CD99L2: variants seen among roughly 807,000 people sequenced by gnomAD.
CD99L2 encodes the protein CD99 molecule like 2.
A neutral mutation model predicts 27.3 loss-of-function variants in CD99L2; 24 were observed. The observed-to-expected ratio is 0.88, with a 90% CI of 0.64 to 1.24. The LOEUF is 1.24. Among genes scored for constraint, CD99L2 ranks in the 50% most tolerant of loss-of-function variants. The pLI is 0.00. For synonymous variants in CD99L2, 97 were observed against 87.9 expected (o/e 1.10, Z -0.58); for missense variants, 255 against 221.6 (o/e 1.15, Z -0.96).
intron 1 of CD99L2, among the ~76,000 whole-genome samples, chrX:150,858,141 T>G (rs781853172): frequency 1.8e-5 from 2 of 112,430 alleles, no homozygotes; most frequent in East Asian, 5.6e-4. Context: ...AAGGGATTAA[T>G]TCAGCAAGAA....
intron 1 of CD99L2, among the ~76,000 whole-genome samples, chrX:150,869,190 T>G (rs1557422125): frequency 9.0e-6 from 1 of 111,726 alleles, no homozygotes; most frequent in Non-Finnish European, 1.9e-5. Flanking sequence ...CCTGGAAATC[T>G]CACCTTGTAA....
intron 1 of CD99L2, among the ~76,000 whole-genome samples, chrX:150,858,721 T>A (rs1217891537): frequency 8.9e-6 from 1 of 111,879 alleles, no homozygotes; most frequent in Admixed American, 9.5e-5. Context: ...GGGACATTTA[T>A]GGCAATAAAC....
chrX:150,774,527 C>T (rs782650282), intron 9 of CD99L2, among the ~76,000 whole-genome samples: 4 of 111,969 alleles, frequency 3.6e-5, no homozygotes, highest in South Asian at 3.8e-4. Flanking sequence ...ATCCACCTGC[C>T]GGAGGGAGAG....
chrX:150,847,513 C>G (rs1430841552), intron 1 of CD99L2, among the ~76,000 whole-genome samples: 1 of 111,214 alleles, frequency 9.0e-6, no homozygotes, highest in Non-Finnish European at 1.9e-5. Context: ...AGAAAACCCT[C>G]TTTTGACTGT....
At position 150,767,210 on chromosome X, in the gene CD99L2, C is replaced by G. The variant is rs1331682696; in HGVS notation, c.*1824G>C. 1.8e-5 allele frequency: 2 copies of G among 111,924 alleles called. No homozygotes were observed. The highest frequency in any genetic ancestry group is 5.6e-4 in the East Asian group (2 of 3,561). The allele number at this position is 111,924 out of a possible 1,213,427, so 9.2% of individuals were successfully genotyped here. On this transcript the variant is annotated 3_prime_UTR_variant, in exon 11 of 11. Transcript: ENST00000370377. ...CGACATACTTGGTATCAGGGAGGGA[C>G]AAGCCTGACAAAGTTCACAATCTGG...
intron 8 of CD99L2, 175 bp downstream of exon 8, chrX:150,777,269 G>A (rs1162944794): frequency 5.8e-6 from 3 of 519,191 alleles, no homozygotes; most frequent in South Asian, 3.0e-5. Context: ...AAATTGTGAG[G>A]GAGGCGTGCA....
chrX:150,848,218 GAAATA>G (rs782563906), intron 1 of CD99L2, among the ~76,000 whole-genome samples: 2 of 108,943 alleles, frequency 1.8e-5, no homozygotes, highest in African/African-American at 6.7e-5. Context: ...CAGAAAAGAA[GAAATA>G]AAATAACGGC....
At chrX:150,866,046 A>G (rs1426791011) in intron 1 of CD99L2, among the ~76,000 whole-genome samples, 1 of 112,147 alleles carries the variant, frequency 8.9e-6, no homozygotes, top group African/African-American at 3.2e-5. Flanking sequence ...GCTTAAGCCC[A>G]GGGGTGGTGG....
chrX:150,894,880 C>A (rs72612734), intron 1 of CD99L2, among the ~76,000 whole-genome samples: 4,877 of 111,335 alleles, frequency 0.044, 107 homozygotes, highest in East Asian at 0.091. Flanking sequence ...TGAGCCACTG[C>A]GCCCGGCCCC....
At chrX:150,804,144 T>C (rs1038016935) in intron 4 of CD99L2, among the ~76,000 whole-genome samples, 2 of 112,034 alleles carry the variant, frequency 1.8e-5, no homozygotes, top group African/African-American at 6.5e-5. Context: ...TTCTCCAGGA[T>C]AGGTCACATG....
chrX:150,871,726 A>G (rs2047159640), intron 1 of CD99L2, among the ~76,000 whole-genome samples: 2 of 112,232 alleles, frequency 1.8e-5, no homozygotes, highest in Non-Finnish European at 3.8e-5. Context: ...TAAAGTGAAA[A>G]TAACCCAAGT....
At chrX:150,871,600 CT>C (rs1294235629) in intron 1 of CD99L2, among the ~76,000 whole-genome samples, 2 of 112,058 alleles carry the variant, frequency 1.8e-5, no homozygotes, top group East Asian at 5.6e-4. Flanking sequence ...AGTTAAACAT[CT>C]TCACACCCCA....
chrX:150,848,127 A>G (rs1426925988), intron 1 of CD99L2, among the ~76,000 whole-genome samples: 1 of 91,832 alleles, frequency 1.1e-5, no homozygotes, highest in Admixed American at 1.2e-4. Context: ...CCCCCCTTGT[A>G]CTATACCTCT....
At chrX:150,880,881 C>T (rs1386224939) in intron 1 of CD99L2, among the ~76,000 whole-genome samples, 1 of 111,503 alleles carries the variant, frequency 9.0e-6, no homozygotes, top group Non-Finnish European at 1.9e-5. Flanking sequence ...TCCAAGAAAC[C>T]CACCCTCACT....
rs138874048 is a variant in CD99L2 at position 150,818,117 on chromosome X, A to G, written c.131-2039T>C. ...CAAAATACATGAAGCAAAAAATTGCAAAATTGAAGAGAACAGATGATTTAA... is the reference window on the plus strand; with the variant it reads ...CAAAATACATGAAGCAAAAAATTGCGAAATTGAAGAGAACAGATGATTTAA... On this transcript the variant is annotated intron_variant, in intron 2 of 10. Transcript: ENST00000370377. 9.3e-3 allele frequency among the ~76,000 whole-genome samples: 981 copies of G among 105,773 alleles called. 12 individuals carry two copies. Among genetic ancestry groups the G allele is most frequent in the African/African-American group, 0.032 (934 of 28,952 alleles). 91.9% of individuals were successfully genotyped at this position (105,773 alleles called of 115,157 possible). A position where few individuals can be genotyped will look rare whatever the true frequency, so the allele number is the denominator to read the frequency against.
At chrX:150,833,694 A>T (rs931441912) in intron 1 of CD99L2, among the ~76,000 whole-genome samples, 9 of 112,473 alleles carry the variant, frequency 8.0e-5, no homozygotes, top group African/African-American at 2.6e-4. Flanking sequence ...CAGTCTCTTC[A>T]GTAAATGATG....
At chrX:150,776,430 A>C in intron 8 of CD99L2, 137 bp from the exon 9 acceptor site, 1 of 698,533 alleles carries the variant, frequency 1.4e-6, no homozygotes. Context: ...GGAGAGGGCC[A>C]TGCCACACAG....
chrX:150,769,387 C>T (rs2043373366), intron 10 of CD99L2, among the ~76,000 whole-genome samples: 1 of 112,797 alleles, frequency 8.9e-6, no homozygotes, highest in Admixed American at 9.3e-5. Context: ...AAACAAAGGG[C>T]TCAACCTAGC....
intron 9 of CD99L2, among the ~76,000 whole-genome samples, chrX:150,772,754 AGAG>A (rs1407796414): frequency 9.1e-6 from 1 of 109,881 alleles, no homozygotes; most frequent in South Asian, 3.9e-4. Context: ...GTGTGGCTCA[AGAG>A]GAGACCTACA....
Sources: gnomAD v4.1 joint callset for allele counts (sites outside exome capture counted in the v4.1 genomes callset) on GRCh38, gnomAD v4.1.1 for gene constraint, MANE v1.5 for transcripts, NCBI Gene and HGNC (gene_info 2026-07-23, HGNC 2026-07-21) for gene names.